The following SPOCK3 variants were observed in gnomAD, a reference collection of about 807,000 sequenced individuals.
SPOCK3 encodes the protein testican-3.
In SPOCK3, 30 loss-of-function variants were observed where a neutral mutation model predicts 56.6. That is an observed-to-expected ratio of 0.53 (90% CI 0.40 to 0.72). The LOEUF is 0.72. Among genes scored for constraint, SPOCK3 ranks in the 30% least tolerant of loss-of-function variants. SPOCK3 has a pLI of 0.00. For synonymous variants in SPOCK3, 196 were observed against 183.3 expected, an observed-to-expected ratio of 1.07 and a Z score of -0.56; for missense variants, 527 against 530.0, an observed-to-expected ratio of 0.99 and a Z score of 0.06.
intron 7 of SPOCK3, among the ~76,000 whole-genome samples, chr4:166,778,949 G>A (rs969730065): frequency 6.6e-6 from 1 of 152,060 alleles, no homozygotes; most frequent in African/African-American, 2.4e-5. Flanking sequence ...TATAGCCACT[G>A]AGGAAAGCCG....
rs566200491 is a variant in SPOCK3, at chr4:167,111,827, G to A, written c.190-49290C>T. The stretch of plus-strand genomic sequence containing the variant: ...GGCTGGAATGCAATGACATAATCAC[G>A]ACTCACTGCAGCCTTGATTTCTCAG... On this transcript the variant is annotated intron_variant, in intron 2 of 10. Coordinates refer to ENST00000357545, the MANE Select transcript of SPOCK3 (RefSeq NM_001040159.2). 7.9e-5 allele frequency among the ~76,000 whole-genome samples: 12 copies of A among 151,384 alleles called. No homozygotes were observed. The Middle Eastern group carries it at 0.01, about 130-fold the overall frequency.
chr4:166,927,970 A>T (rs1013234022), intron 4 of SPOCK3, among the ~76,000 whole-genome samples: 3 of 152,232 alleles, frequency 2.0e-5, no homozygotes, highest in Non-Finnish European at 2.9e-5. Flanking sequence ...AAATAAGCAC[A>T]TTGAAAGTTG....
At chr4:166,772,169 T>C (rs1231619000) in intron 7 of SPOCK3, among the ~76,000 whole-genome samples, 1 of 152,160 alleles carries the variant, frequency 6.6e-6, no homozygotes, top group African/African-American at 2.4e-5. Context: ...TAATGATTTA[T>C]TATTGATCCT....
intron 6 of SPOCK3, among the ~76,000 whole-genome samples, chr4:166,880,296 A>G (rs1014853230): frequency 2.6e-5 from 4 of 152,146 alleles, no homozygotes; most frequent in African/African-American, 4.8e-5. Flanking sequence ...ATCTCTTTCA[A>G]GTCAGAATTA....
intron 7 of SPOCK3, among the ~76,000 whole-genome samples, chr4:166,771,672 A>T (rs143674164): frequency 7.1e-4 from 108 of 152,238 alleles, no homozygotes; most frequent in Middle Eastern, 3.4e-3. Context: ...GTTGCACATC[A>T]TATGTTTAGA....
At chr4:166,898,650 T>A (rs970144016) in intron 5 of SPOCK3, among the ~76,000 whole-genome samples, 1 of 152,180 alleles carries the variant, frequency 6.6e-6, no homozygotes, top group Admixed American at 6.6e-5. Context: ...TGATGTGCTA[T>A]ATACTTGTAC....
At chr4:166,766,341 T>C (rs1351852583) in intron 7 of SPOCK3, among the ~76,000 whole-genome samples, 1 of 152,154 alleles carries the variant, frequency 6.6e-6, no homozygotes, top group Non-Finnish European at 1.5e-5. Flanking sequence ...AAATAGATCT[T>C]AATATTTTGA....
In SPOCK3 at chr4:166,922,697, T is replaced by C. The variant is rs566227658; in HGVS notation, c.351-9954A>G. ...CACTTAGAGCAAAGGCCACTTTCTG[T>C]AGCCTACAAATATTTCTAACTTCTG... On this transcript the variant is annotated intron_variant, in intron 4 of 10. Transcript: ENST00000357545. 2.0e-5 allele frequency among the ~76,000 whole-genome samples: 3 copies of C among 152,278 alleles called. No individual in the cohort carries two copies. The East Asian group carries it at 5.8e-4, about 29-fold the overall frequency.
intron 2 of SPOCK3, among the ~76,000 whole-genome samples, chr4:167,213,951 CTT>C (rs1321998865): frequency 6.6e-6 from 1 of 151,990 alleles, no homozygotes; most frequent in Non-Finnish European, 1.5e-5. Context: ...AAATATTTGT[CTT>C]TTTTATTATG....
At chr4:166,748,367 C>G (rs1353398068) in intron 8 of SPOCK3, among the ~76,000 whole-genome samples, 2 of 136,838 alleles carry the variant, frequency 1.5e-5, no homozygotes, top group Non-Finnish European at 3.1e-5. Flanking sequence ...ACAAACCTGA[C>G]AAAAACAAGA....
chr4:166,738,435 T>A (rs1371266954), intron 9 of SPOCK3, among the ~76,000 whole-genome samples: 2 of 151,512 alleles, frequency 1.3e-5, no homozygotes, highest in Non-Finnish European at 2.9e-5. Context: ...TTTATTTATT[T>A]ATTTATTTAA....
chr4:166,855,155 G>A (rs1730521107), intron 6 of SPOCK3, among the ~76,000 whole-genome samples: 1 of 152,126 alleles, frequency 6.6e-6, no homozygotes, highest in Non-Finnish European at 1.5e-5. Flanking sequence ...TGAATTTTCA[G>A]CAAATCTTCA....
At chr4:167,207,536 G>A (rs1244450426) in intron 2 of SPOCK3, among the ~76,000 whole-genome samples, 2 of 152,076 alleles carry the variant, frequency 1.3e-5, no homozygotes, top group Admixed American at 6.6e-5. Context: ...TTTAAACAAT[G>A]AATAGCATAA....
chr4:167,043,092 T>G (rs1408850197), intron 3 of SPOCK3, among the ~76,000 whole-genome samples: 2 of 152,110 alleles, frequency 1.3e-5, no homozygotes, highest in Admixed American at 1.3e-4. Context: ...ACTTTTCACA[T>G]TGGCTTCTCT....
intron 2 of SPOCK3, among the ~76,000 whole-genome samples, chr4:167,230,109 C>T (rs1402889045): frequency 6.6e-6 from 1 of 151,682 alleles, no homozygotes; most frequent in Non-Finnish European, 1.5e-5. Flanking sequence ...TATTTGAGGG[C>T]TTCTCATATT....
chr4:166,900,749 A>G (rs995273674), intron 5 of SPOCK3, among the ~76,000 whole-genome samples: 20 of 151,942 alleles, frequency 1.3e-4, no homozygotes, highest in African/African-American at 4.4e-4. Context: ...CTCCTAATAT[A>G]CTCTTATGGA....
Position 167,047,757 on chromosome 4 carries a change from T to C in SPOCK3, c.235+14735A>G, listed in dbSNP as rs1753854608. Among the ~76,000 whole-genome samples the C allele has an allele frequency of 3.9e-5, 6 of 152,182 alleles. No individual in the cohort carries two copies. In the South Asian group the frequency reaches 1.2e-3, roughly 31 times the overall value. On this transcript the variant is annotated intron_variant, in intron 3 of 10. Coordinates refer to ENST00000357545, the MANE Select transcript of SPOCK3 (RefSeq NM_001040159.2). ...GAAGGCTAAATGGTGGTTGAAAATA[T>C]GTTAAGTAACCCTAGTGCTGTGGCT...
At chr4:166,928,065 C>T (rs549045969) in intron 4 of SPOCK3, among the ~76,000 whole-genome samples, 1 of 152,204 alleles carries the variant, frequency 6.6e-6, no homozygotes, top group Non-Finnish European at 1.5e-5. Flanking sequence ...AAACTCAGAA[C>T]GCTGACAACA....
At chr4:166,798,793 A>T (rs953771144) in intron 6 of SPOCK3, among the ~76,000 whole-genome samples, 1 of 152,184 alleles carries the variant, frequency 6.6e-6, no homozygotes, top group African/African-American at 2.4e-5. Flanking sequence ...TTCATTATAT[A>T]ATGTAAAAGT....
Sources: gnomAD v4.1 joint callset for allele counts (sites outside exome capture counted in the v4.1 genomes callset) on GRCh38, gnomAD v4.1.1 for gene constraint, MANE v1.5 for transcripts, NCBI Gene and HGNC (gene_info 2026-07-23, HGNC 2026-07-21) for gene names.